DYSF: variants seen among roughly 807,000 people sequenced by gnomAD.
The protein encoded by DYSF is dystrophy-associated fer-1-like 1.
DYSF carries 212 observed loss-of-function variants against 274.9 expected under a neutral mutation model. That is an observed-to-expected ratio of 0.77 (90% confidence interval 0.69 to 0.86). The LOEUF is 0.86. Among genes scored for constraint, DYSF ranks in the 40% least tolerant of loss-of-function variants. The pLI is 0.00. For missense variants in DYSF, 2,666 were observed against 2,783.2 expected (o/e 0.96, Z 0.95); for synonymous variants, 1,091 against 1,078.7 (o/e 1.01, Z -0.22).
chr2:71,667,787 C>T (rs556639580), intron 48 of DYSF, among the ~76,000 whole-genome samples: 1 of 152,272 alleles, frequency 6.6e-6, no homozygotes, highest in South Asian at 2.1e-4. Flanking sequence ...CCGACCTCTC[C>T]TTGTCATCCT....
At chr2:71,611,649 C>A (rs1309878326) in intron 38 of DYSF, 23 bp downstream of exon 38, 2 of 1,610,950 alleles carry the variant, frequency 1.2e-6, no homozygotes, top group Admixed American at 3.3e-5. Context: ...TCCCTACTGT[C>A]CCCTTCCAGA....
chr2:71,465,332 C>T (rs757536366), upstream of DYSF, among the ~76,000 whole-genome samples: 6 of 152,008 alleles, frequency 3.9e-5, no homozygotes, highest in South Asian at 2.1e-4. Context: ...GCACAGATGC[C>T]GAGGGCGGGC....
chr2:71,620,486 T>G, intron 40 of DYSF, 61 bp from the exon 41 acceptor site: 1 of 1,531,428 alleles, frequency 6.5e-7, no homozygotes, highest in Non-Finnish European at 8.9e-7. Flanking sequence ...TTGGAGACTG[T>G]CCAGCCTTCC....
chr2:71,527,906 C>T (rs953526213), intron 13 of DYSF, among the ~76,000 whole-genome samples: 10 of 152,028 alleles, frequency 6.6e-5, no homozygotes, highest in East Asian at 3.9e-4. Context: ...TAAATCGCTG[C>T]GCTAATAGAT....
At chr2:71,526,425 C>CGTGGGGGGGGGGGCTTGGGGGGGG in intron 13 of DYSF, 79 bp downstream of exon 13, 1 of 360,048 alleles carries the variant, frequency 2.8e-6, no homozygotes, top group Non-Finnish European at 5.2e-6. Flanking sequence ...CGATGGCGGG[C>CGTGGGGGGGGGGGCTTGGGGGGGG]GGGGTCAGCT....
At chr2:71,622,938 A>T (rs1351347981) in intron 41 of DYSF, among the ~76,000 whole-genome samples, 1 of 152,214 alleles carries the variant, frequency 6.6e-6, no homozygotes, top group South Asian at 2.1e-4. Flanking sequence ...TTAATAGCTT[A>T]AAAATTAGTC....
At chr2:71,476,865 G>T (rs1252976241) in intron 1 of DYSF, among the ~76,000 whole-genome samples, 1 of 107,364 alleles carries the variant, frequency 9.3e-6, no homozygotes, top group Non-Finnish European at 1.7e-5. Flanking sequence ...TTACTTTAAA[G>T]AATGACTGAC....
Position 71,513,347 on chromosome 2 carries a change from A to G in DYSF, c.553+15A>G, listed in dbSNP as rs1399800233. ...GGCCCCCACGGGTGAGACACGGGCC[A>G]GGACTGTCCTGATCCCAGACCCTCC... On this transcript the variant is annotated intron_variant, in intron 6 of 55. Coordinates refer to ENST00000410020, the MANE Select transcript of DYSF (RefSeq NM_001130987.2). 2 of 1,550,508 alleles carry G rather than the reference A, an allele frequency of 1.3e-6. No individual in the cohort carries two copies. Among genetic ancestry groups the G allele is most frequent in the African/African-American group, 1.4e-5 (1 of 73,114 alleles).
chr2:71,636,171 A>C (rs1324937357), intron 41 of DYSF, among the ~76,000 whole-genome samples: 1 of 152,166 alleles, frequency 6.6e-6, no homozygotes, highest in Non-Finnish European at 1.5e-5. Context: ...ATCACAAGCG[A>C]CTTTAGAAGT....
intron 45 of DYSF, 24 bp from the exon 46 acceptor site, chr2:71,664,244 A>G (rs1293810023): frequency 3.7e-6 from 6 of 1,613,536 alleles, no homozygotes; most frequent in East Asian, 2.2e-5. Flanking sequence ...GTTGGCTGAC[A>G]TCGGGAATCT....
chr2:71,605,003 C>T (rs1213032406), intron 36 of DYSF, among the ~76,000 whole-genome samples: 1 of 152,210 alleles, frequency 6.6e-6, no homozygotes, highest in Non-Finnish European at 1.5e-5. Context: ...CCTCTCTCTG[C>T]AGCTCTTGGT....
Position 71,660,557 on chromosome 2 carries a change from C to T in DYSF, c.4912-3C>T. 6.2e-7 allele frequency: 1 copy of T among 1,613,294 alleles called. No homozygotes were observed. Among genetic ancestry groups the T allele is most frequent in the South Asian group, 1.1e-5 (1 of 91,056 alleles). On this transcript the variant is annotated splice_polypyrimidine_tract_variant and splice_region_variant and intron_variant, in intron 44 of 55. Transcript: ENST00000410020. The stretch of plus-strand genomic sequence containing the variant: ...CACAGAAGTGTTTTGTCTCCTCCTC[C>T]AGTGTGATCCTTACATCAAGATCTC...
At chr2:71,556,437 A>G (rs2091347112) in intron 22 of DYSF, among the ~76,000 whole-genome samples, 1 of 151,988 alleles carries the variant, frequency 6.6e-6, no homozygotes. Flanking sequence ...GTCGGGGATC[A>G]TGGTTTCTGT....
rs146092552 is a variant in DYSF at position 71,639,987 on chromosome 2, C to T, written c.4528-3978C>T. On this transcript the variant is annotated intron_variant, in intron 41 of 55. Coordinates refer to ENST00000410020, the MANE Select transcript of DYSF (RefSeq NM_001130987.2). ...TCTGAGCACTCTCTCTATATTGACTCATTGATTCCTCACAATAACTGTCAA... is the reference window on the plus strand; with the variant it reads ...TCTGAGCACTCTCTCTATATTGACTTATTGATTCCTCACAATAACTGTCAA... Among the ~76,000 whole-genome samples, 583 of 152,344 alleles carry T rather than the reference C, an allele frequency of 3.8e-3. 3 individuals are homozygous for T. The highest frequency in any genetic ancestry group is 0.013 in the African/African-American group (557 of 41,570).
intron 24 of DYSF, among the ~76,000 whole-genome samples, chr2:71,564,975 T>G (rs928475990): frequency 6.6e-6 from 1 of 152,134 alleles, no homozygotes; most frequent in Non-Finnish European, 1.5e-5. Flanking sequence ...GGGAGATCCC[T>G]CCCTGCACGA....
chr2:71,681,262 G>A (rs2095293089), intron 54 of DYSF, 152 bp downstream of exon 54: 1 of 731,270 alleles, frequency 1.4e-6, no homozygotes, highest in Admixed American at 2.0e-5. Context: ...CAGTAAGTTA[G>A]GGGGAAGGTG....
intron 1 of DYSF, among the ~76,000 whole-genome samples, chr2:71,478,746 A>G (rs183926312): frequency 5.3e-5 from 8 of 152,184 alleles, no homozygotes; most frequent in Non-Finnish European, 1.2e-4. Flanking sequence ...AATATTTACA[A>G]GATAATTCCC....
rs569137927 is a variant in DYSF, at chr2:71,656,114, A to G, written c.4627-48A>G. ...GTTTCCTTTCCTTTGCTGTTGTTCTACTTTCTTTCTGTCTCTTGTCCCCTC... is the reference window on the plus strand; with the variant it reads ...GTTTCCTTTCCTTTGCTGTTGTTCTGCTTTCTTTCTGTCTCTTGTCCCCTC... On this transcript the variant is annotated intron_variant, in intron 42 of 55. Transcript: ENST00000410020. 117 of 1,611,022 alleles carry G rather than the reference A, an allele frequency of 7.3e-5. No homozygotes were observed. The Admixed American group carries it at 1.9e-3, about 26-fold the overall frequency.
At position 71,632,748 on chromosome 2, in the gene DYSF, A is replaced by C. The variant is rs376397967; in HGVS notation, c.4528-11217A>C. Among the ~76,000 whole-genome samples, 121 of 152,258 alleles carry C rather than the reference A, an allele frequency of 7.9e-4. 4 individuals carry two copies. The South Asian group carries it at 0.024, about 30-fold the overall frequency. Reference sequence around the variant, plus strand: ...GCTTTCTGCATAGTTGTGTGGGATCATGGTGCCCTCAGAGAATCCAGTCAT... The same window carrying C: ...GCTTTCTGCATAGTTGTGTGGGATCCTGGTGCCCTCAGAGAATCCAGTCAT... On this transcript the variant is annotated intron_variant, in intron 41 of 55. Transcript: ENST00000410020.
Sources: gnomAD v4.1 joint callset for allele counts (sites outside exome capture counted in the v4.1 genomes callset) on GRCh38, gnomAD v4.1.1 for gene constraint, MANE v1.5 for transcripts, NCBI Gene and HGNC (gene_info 2026-07-23, HGNC 2026-07-21) for gene names.